TRIM43: variants seen among roughly 807,000 people sequenced by gnomAD.
The protein encoded by TRIM43 is tripartite motif containing 43.
TRIM43 carries 12 observed loss-of-function variants against 27.7 expected under a neutral mutation model. That is an observed-to-expected ratio of 0.43 (90% CI 0.28 to 0.70). The LOEUF (loss-of-function observed/expected upper bound fraction) is 0.70. Ranked by LOEUF, TRIM43 falls within the 30% of genes least tolerant of loss-of-function variation. The probability of loss-of-function intolerance (pLI) is 0.17; values close to 1 mark genes in which losing one functional copy is unlikely to be tolerated. For synonymous variants in TRIM43, 64 were observed against 121.9 expected, an observed-to-expected ratio of 0.52 and a Z score of 3.13; for missense variants, 186 against 356.5, an observed-to-expected ratio of 0.52 and a Z score of 3.85.
At chr2:95,593,246 C>T (rs1386053961) in intron 1 of TRIM43, among the ~76,000 whole-genome samples, 1 of 151,866 alleles carries the variant, frequency 6.6e-6, no homozygotes, top group African/African-American at 2.4e-5. Flanking sequence ...CTTTTCCTGA[C>T]TGTGTGAAAG....
chr2:95,596,351 G>C lies in TRIM43; in HGVS notation c.657G>C (p.Met219Ile). 6.2e-7 allele frequency: 1 copy of C among 1,606,466 alleles called. No homozygotes were observed. The highest frequency in any genetic ancestry group is 1.3e-5 in the African/African-American group (1 of 74,256). Residue 219 changes from methionine to isoleucine, a missense_variant, in exon 4 of 7, where the codon ATG becomes ATC. Physicochemically the swap from Met to Ile is conservative, Grantham distance 10. This residue lies in a region of TRIM43 where 1 missense variants were observed against 17.4 expected (regional missense o/e 0.06). Transcript: ENST00000272395. ...AACTCCAGAGAAGTTGGGTCAAAATGGATCAAAAGAGTAAACACTTGAAAG... is the reference window on the plus strand; with the variant it reads ...AACTCCAGAGAAGTTGGGTCAAAATCGATCAAAAGAGTAAACACTTGAAAG... ...FQQLQRSWVK[M>I]DQKSKHLKEM...
chr2:95,594,942 C>T, intron 2 of TRIM43, 108 bp from the exon 3 acceptor site: 2 of 1,209,740 alleles, frequency 1.7e-6, no homozygotes, highest in African/African-American at 1.6e-5. Flanking sequence ...GTTTTTTTCT[C>T]CTCTCACTAA....
intron 1 of TRIM43, among the ~76,000 whole-genome samples, chr2:95,593,720 C>G (rs1685299119): frequency 6.6e-6 from 1 of 151,674 alleles, no homozygotes; most frequent in Admixed American, 6.6e-5. Flanking sequence ...TTGATGAAAC[C>G]CTTGAAGCCC....
In TRIM43 at chr2:95,595,908, C is replaced by T. The variant is rs551639015; in HGVS notation, c.508-294C>T. On this transcript the variant is annotated intron_variant, in intron 3 of 6. Coordinates refer to ENST00000272395, the MANE Select transcript of TRIM43 (RefSeq NM_138800.3). ...AAGTACAGAGATTTGAAACAACAAC[C>T]TAAGTGAATAACAAAGATTATGTGT... is the stretch of plus-strand genomic sequence containing the variant. Among the ~76,000 whole-genome samples the T allele has an allele frequency of 1.8e-3, 279 of 151,424 alleles. 3 individuals carry two copies. The highest frequency in any genetic ancestry group is 6.6e-3 in the African/African-American group (271 of 41,178).
At chr2:95,594,538 G>T (rs1685319938) in intron 2 of TRIM43, 104 bp downstream of exon 2, 1 of 1,472,490 alleles carries the variant, frequency 6.8e-7, no homozygotes, top group South Asian at 1.4e-5. Flanking sequence ...TTTACTGAGT[G>T]CCAGGTGCTG....
At chr2:95,592,791 G>C (rs1420453049) in intron 1 of TRIM43, among the ~76,000 whole-genome samples, 1 of 151,592 alleles carries the variant, frequency 6.6e-6, no homozygotes, top group Non-Finnish European at 1.5e-5. Flanking sequence ...AAAATGCTGG[G>C]ATTACAGGCT....
intron 1 of TRIM43, among the ~76,000 whole-genome samples, chr2:95,593,482 T>C (rs962577743): frequency 1.3e-5 from 2 of 151,864 alleles, no homozygotes; most frequent in African/African-American, 2.4e-5. Flanking sequence ...CTGTTTTTCC[T>C]TGGAGAGTAA....
intron 1 of TRIM43, among the ~76,000 whole-genome samples, chr2:95,593,377 A>C (rs1055024781): frequency 2.7e-5 from 4 of 148,604 alleles, no homozygotes; most frequent in Non-Finnish European, 4.5e-5. Context: ...AACAGTAAAC[A>C]TGCCAGAAAG....
rs374424491 is a variant in TRIM43 at position 95,594,104 on chromosome 2, C to T, written c.81C>T (p.Thr27=). The change falls in exon 2 of 7, where the codon ACC becomes ACT. Residue 27 remains threonine, a synonymous_variant. Coordinates refer to ENST00000272395, the MANE Select transcript of TRIM43 (RefSeq NM_138800.3). ...ICLNYLVDPV[T]ICCGHSFCRP... ...TGAACTACCTGGTAGACCCTGTCAC[C>T]ATCTGCTGTGGGCACAGCTTCTGTA... 8.1e-6 allele frequency: 13 copies of T among 1,612,926 alleles called. No individual in the cohort carries two copies. Among genetic ancestry groups the T allele is most frequent in the South Asian group, 1.1e-5 (1 of 91,006 alleles).
intron 1 of TRIM43, 138 bp from the exon 2 acceptor site, chr2:95,593,882 A>G: frequency 6.7e-7 from 1 of 1,486,170 alleles, no homozygotes; most frequent in Non-Finnish European, 8.9e-7. Context: ...TGTTTTTCCT[A>G]TTTCTGTCAT....
rs1231761980 is a variant in TRIM43, at chr2:95,595,058, C to A, written c.420C>A (p.Leu140=). The A allele has an allele frequency of 6.2e-7, 1 of 1,609,496 alleles. No homozygotes were observed. Among genetic ancestry groups the A allele is most frequent in the Admixed American group, 1.7e-5 (1 of 59,532 alleles). ...TTGTAATTCTTTTGCAGGAGAAACT[C>A]TTAAAGCAAATGAGGATTTTATGGA... The part of the protein sequence containing the change: ...EEAAEEHREK[L]LKQMRILWKK... Residue 140 remains leucine (L), a synonymous_variant, in exon 3 of 7, where the codon CTC becomes CTA. Transcript: ENST00000272395.
Position 95,599,136 on chromosome 2 carries a change from C to A in TRIM43, c.904C>A (p.Leu302Ile). 1.5e-5 allele frequency: 1 copy of A among 64,876 alleles called. No individual in the cohort carries two copies. Among genetic ancestry groups the A allele is most frequent in the Non-Finnish European group, 2.4e-5 (1 of 41,304 alleles). 4.0% of individuals were successfully genotyped at this position (64,876 alleles called of 1,614,324 possible). ...TGAAGTAACCAATCACAATATCAGG[C>A]TCTTTGAGGATGTGAGAAGTTGGAT... ...HFEVTNHNIR[L>I]FEDVRSWMFR... Residue 302 changes from leucine (L) to isoleucine (I), a missense_variant, in exon 7 of 7, where the codon CTC becomes ATC. Physicochemically the swap from Leu to Ile is conservative, Grantham distance 5. Coordinates refer to ENST00000272395, the MANE Select transcript of TRIM43 (RefSeq NM_138800.3).
At chr2:95,592,606 T>G (rs910948214) in intron 1 of TRIM43, among the ~76,000 whole-genome samples, 1 of 151,562 alleles carries the variant, frequency 6.6e-6, no homozygotes, top group African/African-American at 2.4e-5. Context: ...CTCTTGATCT[T>G]GTGATCCGTT....
chr2:95,593,828 G>A (rs1002798893), intron 1 of TRIM43, among the ~76,000 whole-genome samples, 192 bp from the exon 2 acceptor site: 3 of 151,826 alleles, frequency 2.0e-5, no homozygotes, highest in African/African-American at 2.4e-5. Context: ...TTGGAGAACA[G>A]TCACTTTTTA....
rs569849260 is a variant in TRIM43, at chr2:95,594,171, G to A, written c.148G>A (p.Ala50Thr). 54 of 1,612,074 alleles carry A rather than the reference G, an allele frequency of 3.3e-5. No homozygotes were observed. In the East Asian group the frequency reaches 1.1e-3, roughly 33 times the overall value. ...TTCGTGGGAGGAAGCCCAAAGTCCTGCAAACTGCCCTGCATGCAGGGAACC... is the reference window on the plus strand; with the variant it reads ...TTCGTGGGAGGAAGCCCAAAGTCCTACAAACTGCCCTGCATGCAGGGAACC... ...CLSWEEAQSP[A>T]NCPACREPSP... Residue 50 changes from alanine to threonine, a missense_variant, in exon 2 of 7, where the codon GCA becomes ACA. Physicochemically the swap from Ala to Thr is moderately conservative, Grantham distance 58 (BLOSUM62 0). Transcript: ENST00000272395.
At chr2:95,595,840 T>C (rs1297056510) in intron 3 of TRIM43, among the ~76,000 whole-genome samples, 2 of 151,334 alleles carry the variant, frequency 1.3e-5, no homozygotes, top group African/African-American at 4.9e-5. Context: ...CTGATTATAA[T>C]ATACTAAAAA....
In TRIM43 at chr2:95,595,110, C is replaced by G. The variant is rs1685331666; in HGVS notation, c.472C>G (p.Leu158Val). The change falls in exon 3 of 7, where the codon CTA (leucine) becomes GTA (valine). Residue 158 changes from leucine to valine, a missense_variant. This residue lies in a region of TRIM43 where 91 missense variants were observed against 119.3 expected (regional missense o/e 0.76). Transcript: ENST00000272395. Reference protein sequence around the residue: ...WKKIQENQRNLYEEGRTAFLW... With the variant: ...WKKIQENQRNVYEEGRTAFLW... ...AAAGATTCAAGAAAATCAGAGAAAT[C>G]TATATGAGGAGGGAAGAACAGCCTT... 6.2e-7 allele frequency: 1 copy of G among 1,612,160 alleles called. No individual in the cohort carries two copies. Among genetic ancestry groups the G allele is most frequent in the Non-Finnish European group, 8.5e-7 (1 of 1,179,130 alleles).
intron 1 of TRIM43, 35 bp downstream of exon 1, chr2:95,592,184 T>G: frequency 6.6e-6 from 1 of 151,878 alleles, no homozygotes; most frequent in East Asian, 1.9e-4. Context: ...GAGCTACTAT[T>G]AGGAGCTACA....
intron 3 of TRIM43, 25 bp downstream of exon 3, chr2:95,595,170 C>T: frequency 6.4e-7 from 1 of 1,569,988 alleles, no homozygotes; most frequent in Non-Finnish European, 8.6e-7. Flanking sequence ...GTGAGTCCTC[C>T]TGACCAGCTT....
Sources: allele counts gnomAD v4.1 joint callset (sites outside exome capture counted in the v4.1 genomes callset), GRCh38; gene constraint gnomAD v4.1.1; regional missense constraint gnomAD v4.1.1; transcripts MANE v1.5; gene names NCBI Gene and HGNC (gene_info 2026-07-23, HGNC 2026-07-21).